KIF6: variants seen among roughly 807,000 people sequenced by gnomAD.
KIF6 encodes the protein kinesin-like protein KIF6.
In KIF6, 106 loss-of-function variants were observed where a neutral mutation model predicts 112.7. The observed-to-expected ratio is 0.94, with a 90% CI of 0.80 to 1.11. KIF6 has a LOEUF of 1.11. KIF6 is among the 50% of genes least tolerant of loss of function. KIF6 has a pLI of 0.00. For missense variants in KIF6, 929 were observed against 964.0 expected (o/e 0.96, Z 0.48); for synonymous variants, 339 against 339.9 (o/e 1.00, Z 0.03).
Position 39,384,196 on chromosome 6 carries a change from C to T in KIF6, c.1861+1426G>A, listed in dbSNP as rs556127240. 3.9e-5 allele frequency among the ~76,000 whole-genome samples: 6 copies of T among 152,274 alleles called. No homozygotes were observed. The South Asian group carries it at 1.2e-3, about 32-fold the overall frequency. On this transcript the variant is annotated intron_variant, in intron 16 of 22. Transcript: ENST00000287152. ...GTTGCTATTCCTATTGAACCAGCAA[C>T]ATGAAGGCTGAAGAAGAGGGCAGAT...
chr6:39,403,289 A>G (rs1359076465), intron 15 of KIF6, among the ~76,000 whole-genome samples: 1 of 152,194 alleles, frequency 6.6e-6, no homozygotes, highest in African/African-American at 2.4e-5. Flanking sequence ...GATCCCCAAG[A>G]GTTCTGTCAC....
chr6:39,591,001 C>T (rs1240473763), intron 7 of KIF6, among the ~76,000 whole-genome samples: 1 of 152,152 alleles, frequency 6.6e-6, no homozygotes, highest in East Asian at 1.9e-4. Context: ...CAATGGTTGC[C>T]AAAAGCCCTG....
intron 3 of KIF6, among the ~76,000 whole-genome samples, chr6:39,675,028 T>A (rs2150838283): frequency 1.3e-5 from 2 of 152,148 alleles, no homozygotes; most frequent in African/African-American, 4.8e-5. Flanking sequence ...AATCTCTCCT[T>A]CTAAAATCTA....
intron 13 of KIF6, among the ~76,000 whole-genome samples, chr6:39,474,284 A>C (rs565522831): frequency 3.1e-4 from 47 of 152,340 alleles, no homozygotes; most frequent in South Asian, 1.7e-3. Flanking sequence ...ATCTTCATCC[A>C]CAGGGCTATT....
At chr6:39,639,779 C>CT in intron 3 of KIF6, 22 bp from the exon 4 acceptor site, 1 of 1,601,130 alleles carries the variant, frequency 6.2e-7, no homozygotes, top group Non-Finnish European at 8.5e-7. Context: ...AAATGACACA[C>CT]TTTCAATATC....
At chr6:39,679,905 C>G (rs911764254) in intron 3 of KIF6, among the ~76,000 whole-genome samples, 6 of 151,228 alleles carry the variant, frequency 4.0e-5, no homozygotes, top group African/African-American at 1.5e-4. Context: ...GCGTGAGCCA[C>G]CATGCCTGGC....
intron 15 of KIF6, among the ~76,000 whole-genome samples, chr6:39,411,241 A>T (rs1322947474): frequency 6.6e-6 from 1 of 152,214 alleles, no homozygotes; most frequent in Middle Eastern, 3.2e-3. Flanking sequence ...AGAGGCGCTG[A>T]GGGAGGCCTG....
At chr6:39,698,126 T>C (rs757607359) in intron 3 of KIF6, among the ~76,000 whole-genome samples, 16 of 152,222 alleles carry the variant, frequency 1.1e-4, no homozygotes, top group Admixed American at 2.0e-4. Context: ...AGTTTTTACA[T>C]ATCAACATTT....
chr6:39,355,273 T>TA (rs1764556501), intron 19 of KIF6, among the ~76,000 whole-genome samples: 1 of 152,110 alleles, frequency 6.6e-6, no homozygotes, highest in African/African-American at 2.4e-5. Flanking sequence ...TACACATATA[T>TA]ATGTATCTAT....
At chr6:39,508,895 G>A (rs1349226706) in intron 13 of KIF6, among the ~76,000 whole-genome samples, 6 of 152,180 alleles carry the variant, frequency 3.9e-5, no homozygotes, top group South Asian at 2.1e-4. Flanking sequence ...CGGCATTTGA[G>A]CTCTGATAAC....
intron 15 of KIF6, among the ~76,000 whole-genome samples, chr6:39,390,211 C>G (rs1157819395): frequency 6.6e-6 from 1 of 152,106 alleles, no homozygotes; most frequent in East Asian, 1.9e-4. Flanking sequence ...TGCTATATCT[C>G]AAGATCTTTC....
intron 13 of KIF6, among the ~76,000 whole-genome samples, chr6:39,473,521 G>C (rs1774256802): frequency 6.6e-6 from 1 of 152,122 alleles, no homozygotes; most frequent in Non-Finnish European, 1.5e-5. Flanking sequence ...TCATTAGAAA[G>C]AGACTAAATG....
intron 13 of KIF6, among the ~76,000 whole-genome samples, chr6:39,436,717 T>C (rs1476834555): frequency 1.3e-5 from 2 of 152,218 alleles, no homozygotes; most frequent in Non-Finnish European, 2.9e-5. Flanking sequence ...TCTGTTCCAT[T>C]GGTCTGTGTG....
At chr6:39,366,012 C>T (rs9367003) in intron 16 of KIF6, among the ~76,000 whole-genome samples, 71,039 of 152,144 alleles carry the variant, frequency 0.47, 17,084 homozygotes, top group Admixed American at 0.53. Context: ...GCTCTTGCCT[C>T]AGCCCATGAC....
intron 15 of KIF6, among the ~76,000 whole-genome samples, chr6:39,408,234 A>C (rs1188662970): frequency 1.3e-5 from 2 of 152,236 alleles, no homozygotes; most frequent in Admixed American, 1.3e-4. Context: ...ATGTACAAGC[A>C]AGGATGCAGG....
At chr6:39,539,381 T>C (rs1778649763) in intron 13 of KIF6, among the ~76,000 whole-genome samples, 1 of 152,162 alleles carries the variant, frequency 6.6e-6, no homozygotes, top group Non-Finnish European at 1.5e-5. Context: ...TCTCACTCTG[T>C]CACCCAGGCA....
At chr6:39,394,678 C>G (rs1768127931) in intron 15 of KIF6, among the ~76,000 whole-genome samples, 1 of 152,210 alleles carries the variant, frequency 6.6e-6, no homozygotes, top group Non-Finnish European at 1.5e-5. Flanking sequence ...ATGGAACATA[C>G]AGTGGGAGGC....
chr6:39,498,628 T>C (rs565308623), intron 13 of KIF6, among the ~76,000 whole-genome samples: 1 of 152,230 alleles, frequency 6.6e-6, no homozygotes, highest in South Asian at 2.1e-4. Flanking sequence ...AACAAGTAAG[T>C]ATGACTGTGT....
In KIF6 at chr6:39,639,603, T is replaced by C. The variant is rs1468654431; in HGVS notation, c.399+7A>G. On this transcript the variant is annotated splice_region_variant and intron_variant, in intron 4 of 22. Transcript: ENST00000287152. ...ATACAAAATGATATGAACGAAAAGT[T>C]TCATACCTTTTGTAACTGTTCAAAA... is the stretch of plus-strand genomic sequence containing the variant. The C allele has an allele frequency of 6.4e-7, 1 of 1,551,900 alleles. No homozygotes were observed. The highest frequency in any genetic ancestry group is 8.7e-7 in the Non-Finnish European group (1 of 1,153,354).
Sources: allele counts gnomAD v4.1 joint callset (sites outside exome capture counted in the v4.1 genomes callset), GRCh38; gene constraint gnomAD v4.1.1; transcripts MANE v1.5; gene names NCBI Gene and HGNC (gene_info 2026-07-23, HGNC 2026-07-21).